The following PKIB variants were observed in gnomAD, a reference collection of about 807,000 sequenced individuals.
PKIB encodes the protein PKI-beta.
A neutral mutation model predicts 4.5 loss-of-function variants in PKIB; 2 were observed. That is an observed-to-expected ratio of 0.44 (90% CI 0.18 to 1.39). PKIB has a LOEUF of 1.39. Ranked by LOEUF, PKIB falls within the 40% of genes most tolerant of loss-of-function variation. The pLI, the probability that PKIB is intolerant of heterozygous loss-of-function variation, is 0.27. For missense variants in PKIB, 94 were observed against 92.6 expected (o/e 1.02, Z -0.06); for synonymous variants, 38 against 36.0 (o/e 1.06, Z -0.20).
chr6:122,718,093 C>T lies in PKIB; in HGVS notation c.169+130C>T, dbSNP rs1487014306. 5 of 941,236 alleles carry T rather than the reference C, an allele frequency of 5.3e-6. No homozygotes were observed. In the East Asian group the frequency reaches 1.3e-4, roughly 24 times the overall value. 58.3% of individuals were successfully genotyped at this position (941,236 alleles called of 1,614,324 possible). ...TTATTTGTTTACTTAAACCTCTCAG[C>T]TTTTGTTTAAGGCTTAGTAGATGTT... On this transcript the variant is annotated intron_variant, in intron 4 of 4. Transcript: ENST00000368452.
intron 2 of PKIB, among the ~76,000 whole-genome samples, chr6:122,532,889 C>T (rs932946942): frequency 2.0e-5 from 3 of 152,150 alleles, no homozygotes; most frequent in East Asian, 1.9e-4. Flanking sequence ...ATGGGATCAC[C>T]GAATCACATG....
chr6:122,691,386 C>A (rs1324722982), intron 3 of PKIB, among the ~76,000 whole-genome samples: 1 of 151,694 alleles, frequency 6.6e-6, no homozygotes, highest in Non-Finnish European at 1.5e-5. Context: ...ATTCTTTTTG[C>A]TTTTGTCTGC....
At chr6:122,549,347 A>G (rs1160320681) in intron 2 of PKIB, among the ~76,000 whole-genome samples, 1 of 152,112 alleles carries the variant, frequency 6.6e-6, no homozygotes, top group Non-Finnish European at 1.5e-5. Flanking sequence ...TTTCCAAGAA[A>G]TTTTTCCTCT....
rs1180304507 is a variant in PKIB at position 122,705,590 on chromosome 6, G to A, written c.-8-12197G>A. Among the ~76,000 whole-genome samples the A allele has an allele frequency of 4.6e-5, 6 of 131,860 alleles. No individual in the cohort carries two copies. The East Asian group carries it at 9.7e-4, about 21-fold the overall frequency. 86.5% of individuals were successfully genotyped at this position (131,860 alleles called of 152,430 possible). A position where few individuals can be genotyped will look rare whatever the true frequency, so the allele number is the denominator to read the frequency against. On this transcript the variant is annotated intron_variant, in intron 3 of 4. Transcript: ENST00000368452. Reference sequence around the variant, plus strand: ...TTTTTTTTTTTTTTTTTTTTGAGACGGAGTCTTGCTCTGTGGCTACACTGG... The same window carrying A: ...TTTTTTTTTTTTTTTTTTTTGAGACAGAGTCTTGCTCTGTGGCTACACTGG...
rs917155479 is a variant in PKIB, at chr6:122,721,072, C to T, written c.169+3109C>T. On this transcript the variant is annotated intron_variant, in intron 4 of 4. Transcript: ENST00000368452. Reference sequence around the variant, plus strand: ...ACAGTGCAAATGAAATTATCCCATACCTGACAAGCCACATGAGTAGATTAC... The same window carrying T: ...ACAGTGCAAATGAAATTATCCCATATCTGACAAGCCACATGAGTAGATTAC... 2.0e-5 allele frequency among the ~76,000 whole-genome samples: 3 copies of T among 152,120 alleles called. No homozygotes were observed. In the South Asian group the frequency reaches 6.2e-4, roughly 32 times the overall value.
chr6:122,602,060 A>G (rs924936881), intron 3 of PKIB, among the ~76,000 whole-genome samples: 6 of 149,116 alleles, frequency 4.0e-5, no homozygotes, highest in South Asian at 4.2e-4. Flanking sequence ...TATCTTATGC[A>G]TATCTATTAA....
At chr6:122,529,158 G>A (rs1411765991) in intron 2 of PKIB, among the ~76,000 whole-genome samples, 1 of 151,996 alleles carries the variant, frequency 6.6e-6, no homozygotes, top group Non-Finnish European at 1.5e-5. Flanking sequence ...CTGCTTTTGT[G>A]TTTTGTTGAT....
In PKIB at chr6:122,700,168, C is replaced by CTGTTGTTGTTGT. The variant is rs151151718; in HGVS notation, c.-8-17604_-8-17593dup. Among the ~76,000 whole-genome samples the CTGTTGTTGTTGT allele has an allele frequency of 1.2e-3, 177 of 149,636 alleles. 2 individuals are homozygous for CTGTTGTTGTTGT. In the East Asian group the frequency reaches 0.022, roughly 18 times the overall value. Reference sequence around the variant, plus strand: ...AATTGTAGATCTTTGTTTTAGGGTTCTGTTGTTGTTGTTGTTGTTGTTGTT... The same window carrying CTGTTGTTGTTGT: ...AATTGTAGATCTTTGTTTTAGGGTTCTGTTGTTGTTGTTGTTGTTGTTGTTGTTGTTGTTGTT... On this transcript the variant is annotated intron_variant, in intron 3 of 4. Transcript: ENST00000368452.
intron 2 of PKIB, chr6:122,480,785 T>A (rs1304710558): frequency 1.3e-5 from 2 of 152,212 alleles, no homozygotes; most frequent in Non-Finnish European, 2.9e-5. Context: ...TAAAGGTTAC[T>A]CTCTAAAGCT....
At chr6:122,519,832 T>C (rs1776880923) in intron 2 of PKIB, among the ~76,000 whole-genome samples, 1 of 152,190 alleles carries the variant, frequency 6.6e-6, no homozygotes, top group Non-Finnish European at 1.5e-5. Context: ...AAAGAGACAT[T>C]TCTAATCCCA....
chr6:122,575,019 A>G (rs974310280), intron 2 of PKIB, among the ~76,000 whole-genome samples: 3 of 152,222 alleles, frequency 2.0e-5, no homozygotes, highest in Non-Finnish European at 4.4e-5. Flanking sequence ...ACTAGTATCC[A>G]GAATCTACAA....
intron 2 of PKIB, among the ~76,000 whole-genome samples, chr6:122,658,858 A>AATTTTTTTTTTTTTTTT (rs1776876054): frequency 1.4e-5 from 2 of 138,334 alleles, no homozygotes; most frequent in African/African-American, 5.6e-5. Context: ...CATTTGACAA[A>AATTTTTTTTTTTTTTTT]TTTTTTATTG....
chr6:122,681,321 A>G (rs1777887540), intron 3 of PKIB, among the ~76,000 whole-genome samples: 1 of 152,234 alleles, frequency 6.6e-6, no homozygotes, highest in Non-Finnish European at 1.5e-5. Context: ...AAATGAATTA[A>G]TACATTCATA....
intron 2 of PKIB, among the ~76,000 whole-genome samples, chr6:122,556,552 C>T (rs2114664612): frequency 6.6e-6 from 1 of 152,262 alleles, no homozygotes; most frequent in South Asian, 2.1e-4. Flanking sequence ...TGTATAAGGT[C>T]CATGCTCCCA....
chr6:122,552,978 T>A (rs12193451), intron 2 of PKIB, among the ~76,000 whole-genome samples: 17,211 of 152,214 alleles, frequency 0.11, 1,233 homozygotes, highest in East Asian at 0.21. Context: ...TCACTGGATT[T>A]TTTTTTATTT....
chr6:122,504,525 G>A (rs1776340653), intron 2 of PKIB, among the ~76,000 whole-genome samples: 1 of 152,202 alleles, frequency 6.6e-6, no homozygotes, highest in Non-Finnish European at 1.5e-5. Flanking sequence ...GGAACTTGAT[G>A]TCAGTCTCTC....
At chr6:122,509,540 C>T (rs1385393539) in intron 2 of PKIB, among the ~76,000 whole-genome samples, 1 of 151,918 alleles carries the variant, frequency 6.6e-6, no homozygotes, top group Non-Finnish European at 1.5e-5. Context: ...GCGCCATTCT[C>T]CTGCCTTAGC....
chr6:122,587,200 C>T (rs142282338), intron 3 of PKIB, among the ~76,000 whole-genome samples: 2 of 151,956 alleles, frequency 1.3e-5, no homozygotes, highest in African/African-American at 2.4e-5. Flanking sequence ...CAATAGGCCC[C>T]GGTATGTGAT....
chr6:122,619,833 T>C (rs1775150022), intron 1 of PKIB, among the ~76,000 whole-genome samples: 3 of 152,134 alleles, frequency 2.0e-5, no homozygotes, highest in African/African-American at 7.2e-5. Context: ...ACCTCCCCCT[T>C]GACCCAATGT....
Sources: gnomAD v4.1 joint callset for allele counts (sites outside exome capture counted in the v4.1 genomes callset) on GRCh38, gnomAD v4.1.1 for gene constraint, MANE v1.5 for transcripts, NCBI Gene and HGNC (gene_info 2026-07-23, HGNC 2026-07-21) for gene names.